The following TULP1 variants were observed in gnomAD, a reference collection of about 807,000 sequenced individuals.
TULP1 encodes tubby-related protein 1.
In TULP1, 50 loss-of-function variants were observed where a neutral mutation model predicts 67.1. The observed-to-expected ratio is 0.75, with a 90% CI of 0.59 to 0.94. The LOEUF is 0.94. TULP1 is among the 40% of genes least tolerant of loss of function. TULP1 has a pLI of 0.00. For synonymous variants in TULP1, 297 were observed against 294.0 expected (o/e 1.01, Z -0.11); for missense variants, 746 against 734.1 (o/e 1.02, Z -0.19).
chr6:35,503,714 T>C lies in TULP1; in HGVS notation c.1224+23A>G. The C allele has an allele frequency of 6.2e-7, 1 of 1,608,454 alleles. No homozygotes were observed. Among genetic ancestry groups the C allele is most frequent in the Non-Finnish European group, 8.5e-7 (1 of 1,177,458 alleles). Reference sequence around the variant, plus strand: ...CCCCTGTAAGGGGAGCAGCCTGGCATGGGGGACAGGTGGAGTCCTCACATA... The same window carrying C: ...CCCCTGTAAGGGGAGCAGCCTGGCACGGGGGACAGGTGGAGTCCTCACATA... On this transcript the variant is annotated intron_variant, in intron 12 of 14. Transcript: ENST00000229771. This position sits in a 1 kb window ranked among gnomAD's most constrained non-coding sequence, Gnocchi z 4.0.
At chr6:35,508,265 T>G (rs188766795) in intron 8 of TULP1, among the ~76,000 whole-genome samples, 19 of 152,326 alleles carry the variant, frequency 1.2e-4, no homozygotes, top group African/African-American at 4.3e-4. Flanking sequence ...AAGACTATGT[T>G]TGGAACACGA....
At position 35,503,181 on chromosome 6, in the gene TULP1, G is replaced by A. The variant is rs1323445886; in HGVS notation, c.1323+378C>T. 3.3e-5 allele frequency among the ~76,000 whole-genome samples: 5 copies of A among 152,122 alleles called. No homozygotes were observed. Among genetic ancestry groups the A allele is most frequent in the Admixed American group, 6.5e-5 (1 of 15,276 alleles). ...TCTCGATCTCCTGACCTCGTGATCCGCCCATCTCGGCCTCCCAAAGTGCTG... is the reference window on the plus strand; with the variant it reads ...TCTCGATCTCCTGACCTCGTGATCCACCCATCTCGGCCTCCCAAAGTGCTG... On this transcript the variant is annotated intron_variant, in intron 13 of 14. Transcript: ENST00000229771. The surrounding 1 kb of genome is among the most constrained non-coding windows in gnomAD (Gnocchi z 4.0).
intron 7 of TULP1, 106 bp from the exon 8 acceptor site, chr6:35,509,418 C>T (rs1761151333): frequency 3.3e-6 from 4 of 1,197,052 alleles, no homozygotes; most frequent in African/African-American, 1.5e-5. Flanking sequence ...ACAAGAGAGT[C>T]GACCCCATGT....
intron 8 of TULP1, among the ~76,000 whole-genome samples, chr6:35,507,952 C>T (rs148292983): frequency 5.2e-4 from 79 of 152,264 alleles, no homozygotes; most frequent in African/African-American, 1.9e-3. Flanking sequence ...GTAGCTGGGA[C>T]TACAGGTGCG....
intron 1 of TULP1, 22 bp from the exon 2 acceptor site, chr6:35,512,712 GCCTGTCTC>G (rs768093224): frequency 1.2e-6 from 2 of 1,613,602 alleles, no homozygotes; most frequent in Admixed American, 3.3e-5. Context: ...AAAGGGATCA[GCCTGTCTC>G]CCTTCCCCTT....
At chr6:35,507,839 A>G (rs1199045804) in intron 8 of TULP1, among the ~76,000 whole-genome samples, 2 of 152,060 alleles carry the variant, frequency 1.3e-5, no homozygotes, top group Middle Eastern at 3.2e-3. Context: ...TTTGAGATGG[A>G]GCCTCGCTCT....
intron 8 of TULP1, 119 bp from the exon 9 acceptor site, chr6:35,506,398 GGAGCTCTGT>G (rs912727226): frequency 7.9e-7 from 1 of 1,265,836 alleles, no homozygotes; most frequent in Non-Finnish European, 1.1e-6. Flanking sequence ...GAGGCTCTGG[GGAGCTCTGT>G]GATTTATTTT....
rs746856003 is a variant in TULP1, at chr6:35,512,641, G to T, written c.97C>A (p.Gln33Lys). Residue 33 changes from glutamine (Q) to lysine (K), a missense_variant and splice_region_variant, in exon 2 of 15, where the codon CAG becomes AAG. Physicochemically the swap from Gln to Lys is moderately conservative, Grantham distance 53 (BLOSUM62 1). Around this residue, in one of 3 missense-constraint regions of TULP1, gnomAD observed 359 missense variants for 341.9 expected, o/e 1.05. Transcript: ENST00000229771. ...CCTTTCCAAGTGGGGTGGCATACCT[G>T]TTTGGGGCGCCGCGGGGCCTCCGGG... ...LSPEAPRRPKQRPAPAQRLRK... is the reference protein window; with the variant it reads ...LSPEAPRRPKKRPAPAQRLRK... The T allele has an allele frequency of 2.5e-6, 4 of 1,613,946 alleles. No homozygotes were observed. Among genetic ancestry groups the T allele is most frequent in the African/African-American group, 2.7e-5 (2 of 74,890 alleles).
At chr6:35,506,668 A>G (rs1761094733) in intron 8 of TULP1, among the ~76,000 whole-genome samples, 1 of 152,214 alleles carries the variant, frequency 6.6e-6, no homozygotes, top group Non-Finnish European at 1.5e-5. Flanking sequence ...TACTCATTTC[A>G]TCCTCTTATC....
intron 4 of TULP1, 71 bp downstream of exon 4, chr6:35,511,577 C>G: frequency 6.4e-7 from 1 of 1,553,824 alleles, no homozygotes; most frequent in Non-Finnish European, 8.7e-7. Flanking sequence ...CTGGGCCGTT[C>G]CCGTCCAGCC....
intron 3 of TULP1, 161 bp from the exon 4 acceptor site, chr6:35,511,967 C>T: frequency 1.1e-6 from 1 of 889,534 alleles, no homozygotes; most frequent in Non-Finnish European, 1.6e-6. Context: ...CCCCGGCTTC[C>T]ATTCAGCTTC....
chr6:35,505,497 G>T, intron 11 of TULP1: 1 of 1,119,822 alleles, frequency 8.9e-7, no homozygotes, highest in Non-Finnish European at 1.3e-6. Context: ...TGGGCTGGCA[G>T]CAGTGTGGGC....
At position 35,503,039 on chromosome 6, in the gene TULP1, G is replaced by A. The variant is rs372857670; in HGVS notation, c.1323+520C>T. Among the ~76,000 whole-genome samples, 18 of 152,108 alleles carry A rather than the reference G, an allele frequency of 1.2e-4. No homozygotes were observed. The South Asian group carries it at 3.1e-3, about 26-fold the overall frequency. The stretch of plus-strand genomic sequence containing the variant: ...TGCAAGCTCCGCCTCCCAGGTTCAC[G>A]CCATTCTCCTGCCTCAGCCTCCCAA... On this transcript the variant is annotated intron_variant, in intron 13 of 14. Coordinates refer to ENST00000229771, the MANE Select transcript of TULP1 (RefSeq NM_003322.6). This position sits in a 1 kb window ranked among gnomAD's most constrained non-coding sequence, Gnocchi z 4.0.
Position 35,509,261 on chromosome 6 carries a change from G to T in TULP1, c.770C>A (p.Thr257Lys). 6.2e-7 allele frequency: 1 copy of T among 1,613,774 alleles called. No individual in the cohort carries two copies. The highest frequency in any genetic ancestry group is 8.5e-7 in the Non-Finnish European group (1 of 1,179,932). ...CTTTTGATTGCTCTTCTTTATCACC[G>T]TAGCTGCCTCCTCCTCCTCTTCTTC... ...KEEEEEEEAATVIKKSNQKGK... is the reference protein window; with the variant it reads ...KEEEEEEEAAKVIKKSNQKGK... Residue 257 changes from threonine (T) to lysine (K), a missense_variant, in exon 8 of 15, where the codon ACG (threonine) becomes AAG (lysine). Thr to Lys is a moderately conservative substitution (Grantham distance 78). Around this residue, in one of 3 missense-constraint regions of TULP1, gnomAD observed 359 missense variants for 341.9 expected, o/e 1.05. Coordinates refer to ENST00000229771, the MANE Select transcript of TULP1 (RefSeq NM_003322.6).
chr6:35,504,145 C>A (rs1159137074), intron 11 of TULP1: 2 of 349,438 alleles, frequency 5.7e-6, no homozygotes, highest in Admixed American at 4.1e-5. Flanking sequence ...GCAGACAACG[C>A]TGTCTCTACA....
intron 8 of TULP1, among the ~76,000 whole-genome samples, chr6:35,507,648 C>T (rs1005378367): frequency 6.6e-6 from 1 of 152,104 alleles, no homozygotes; most frequent in Admixed American, 6.6e-5. Flanking sequence ...GCCCTTTGTC[C>T]TCATGTTCTA....
intron 8 of TULP1, among the ~76,000 whole-genome samples, chr6:35,506,950 A>G (rs1230771279): frequency 1.3e-5 from 2 of 152,190 alleles, no homozygotes; most frequent in African/African-American, 4.8e-5. Flanking sequence ...ATAGTAAATA[A>G]TGAATACCAT....
intron 4 of TULP1, among the ~76,000 whole-genome samples, chr6:35,511,273 C>T (rs928965544): frequency 2.0e-5 from 3 of 152,182 alleles, no homozygotes; most frequent in African/African-American, 4.8e-5. Flanking sequence ...CTGAGACCCT[C>T]CTCTCCTTAC....
chr6:35,502,835 A>G (rs6906095), intron 13 of TULP1, among the ~76,000 whole-genome samples: 5,127 of 151,956 alleles, frequency 0.034, 117 homozygotes, highest in African/African-American at 0.064. Flanking sequence ...ACCTTCCAGT[A>G]TGCTCCATAA....
Sources: gnomAD v4.1 joint callset for allele counts (sites outside exome capture counted in the v4.1 genomes callset) on GRCh38, gnomAD v4.1.1 for gene constraint, gnomAD v4.1.1 regional missense constraint, Gnocchi (gnomAD v3.1) non-coding constraint, MANE v1.5 for transcripts, NCBI Gene and HGNC (gene_info 2026-07-23, HGNC 2026-07-21) for gene names.